The following GPC6 variants were observed in gnomAD, a reference collection of about 807,000 sequenced individuals.
GPC6 encodes glypican 6.
GPC6 carries 14 observed loss-of-function variants against 55.2 expected under a neutral mutation model. That is an observed-to-expected ratio of 0.25 (90% CI 0.17 to 0.40). GPC6 has a LOEUF of 0.40. GPC6 is among the 10% of genes least tolerant of loss of function. The probability of loss-of-function intolerance (pLI) is 1.00; values close to 1 mark genes in which losing one functional copy is unlikely to be tolerated. For synonymous variants in GPC6, 278 were observed against 259.6 expected (o/e 1.07, Z -0.68); for missense variants, 641 against 708.5 (o/e 0.90, Z 1.08).
At chr13:94,402,689 C>T (rs1197560529) in intron 8 of GPC6, among the ~76,000 whole-genome samples, 1 of 152,178 alleles carries the variant, frequency 6.6e-6, no homozygotes, top group Non-Finnish European at 1.5e-5. Flanking sequence ...CACAGTTCAG[C>T]ATGGCTGGGG....
intron 2 of GPC6, among the ~76,000 whole-genome samples, chr13:93,569,757 T>A (rs1876308871): frequency 6.6e-6 from 1 of 152,140 alleles, no homozygotes; most frequent in African/African-American, 2.4e-5. Flanking sequence ...TTGTATACTT[T>A]TTGTACATGA....
At chr13:93,682,844 C>CA (rs34479352) in intron 2 of GPC6, among the ~76,000 whole-genome samples, 57,145 of 108,600 alleles carry the variant, frequency 0.53, 14,981 homozygotes, top group Middle Eastern at 0.74. Context: ...CCTGTCTCTA[C>CA]AAAAAAAAAA....
chr13:94,053,079 A>G (rs1266675261), intron 4 of GPC6, among the ~76,000 whole-genome samples: 2 of 152,200 alleles, frequency 1.3e-5, no homozygotes, highest in Non-Finnish European at 2.9e-5. Flanking sequence ...CAGTGACTTC[A>G]TTTTTGAAGA....
intron 1 of GPC6, among the ~76,000 whole-genome samples, chr13:93,396,487 C>T (rs1055939059): frequency 1.8e-4 from 27 of 151,884 alleles, no homozygotes; most frequent in South Asian, 4.2e-4. Context: ...CGCTTGAACC[C>T]GGGAGGCGGA....
upstream of GPC6, chr13:93,226,651 G>C (rs570800665): frequency 2.0e-5 from 3 of 152,258 alleles, no homozygotes; most frequent in South Asian, 6.2e-4. Context: ...TTTCAGATCG[G>C]TATAAAGGAT....
chr13:94,247,781 T>G (rs1344580285), intron 4 of GPC6, among the ~76,000 whole-genome samples: 1 of 152,134 alleles, frequency 6.6e-6, no homozygotes, highest in Non-Finnish European at 1.5e-5. Flanking sequence ...TTTGTATCAG[T>G]GCTCATCAGA....
At chr13:94,334,372 G>A (rs1444446620) in intron 6 of GPC6, among the ~76,000 whole-genome samples, 3 of 152,214 alleles carry the variant, frequency 2.0e-5, no homozygotes, top group African/African-American at 7.2e-5. Context: ...CTGGGGAACA[G>A]CAGAAAATAC....
Position 94,104,275 on chromosome 13 carries a change from T to C in GPC6, c.877+76381T>C, listed in dbSNP as rs1389185619. 1.3e-5 allele frequency among the ~76,000 whole-genome samples: 2 copies of C among 152,182 alleles called. 1 individual carries two copies. The highest frequency in any genetic ancestry group is 1.3e-4 in the Admixed American group (2 of 15,278). ...TTTTGGTACCAGTACCATGCTGTTT[T>C]GGTTACTGTAGCCTTGATAAACTAG... On this transcript the variant is annotated intron_variant, in intron 4 of 8. Transcript: ENST00000377047.
chr13:93,939,235 A>C (rs1878599109), intron 3 of GPC6, among the ~76,000 whole-genome samples: 1 of 151,502 alleles, frequency 6.6e-6, no homozygotes, highest in Non-Finnish European at 1.5e-5. Flanking sequence ...TTAGATTGTC[A>C]AAAAAGAGAA....
chr13:93,752,946 C>G (rs1884647440), intron 2 of GPC6, among the ~76,000 whole-genome samples: 1 of 152,210 alleles, frequency 6.6e-6, no homozygotes, highest in African/African-American at 2.4e-5. Flanking sequence ...GAGTGTCCAA[C>G]AGTCTCCCCT....
chr13:93,360,700 A>G (rs944742097), intron 1 of GPC6, among the ~76,000 whole-genome samples: 4 of 152,028 alleles, frequency 2.6e-5, no homozygotes, highest in Non-Finnish European at 5.9e-5. Flanking sequence ...GATAGAATTG[A>G]TGTATGTTGA....
intron 1 of GPC6, among the ~76,000 whole-genome samples, chr13:93,375,661 G>A (rs998192754): frequency 1.3e-5 from 2 of 152,198 alleles, no homozygotes; most frequent in African/African-American, 4.8e-5. Context: ...ATTCTGGCTG[G>A]ACAACCTGTA....
intron 4 of GPC6, among the ~76,000 whole-genome samples, chr13:94,139,315 A>G (rs1003379940): frequency 2.6e-5 from 4 of 152,218 alleles, no homozygotes; most frequent in Admixed American, 1.3e-4. Context: ...ACATTTATGC[A>G]AATAAAAAAT....
chr13:93,802,856 G>T (rs1039039444), intron 2 of GPC6, among the ~76,000 whole-genome samples: 7 of 152,116 alleles, frequency 4.6e-5, no homozygotes, highest in African/African-American at 1.4e-4. Flanking sequence ...ATAGAAGAAA[G>T]CTTATTGTTC....
intron 6 of GPC6, among the ~76,000 whole-genome samples, chr13:94,347,666 T>C (rs1878357921): frequency 6.6e-6 from 1 of 152,246 alleles, no homozygotes; most frequent in Non-Finnish European, 1.5e-5. Flanking sequence ...AGTAAGGTCT[T>C]TCCTTTTGTT....
chr13:94,158,729 G>A (rs1888047612), intron 4 of GPC6, among the ~76,000 whole-genome samples: 1 of 152,142 alleles, frequency 6.6e-6, no homozygotes, highest in African/African-American at 2.4e-5. Context: ...TCTCAACTCA[G>A]GAGTGGCAGG....
intron 3 of GPC6, among the ~76,000 whole-genome samples, chr13:94,009,776 G>A (rs1156537489): frequency 6.6e-6 from 1 of 152,108 alleles, no homozygotes; most frequent in East Asian, 1.9e-4. Context: ...ACTCAGGAAG[G>A]CTCTCCTGAG....
chr13:93,834,043 G>A (rs77177649), intron 3 of GPC6, among the ~76,000 whole-genome samples: 2,098 of 152,226 alleles, frequency 0.014, 43 homozygotes, highest in African/African-American at 0.048. Context: ...TCCATGCATT[G>A]CTGGTGGAAT....
intron 1 of GPC6, among the ~76,000 whole-genome samples, chr13:93,538,592 A>G (rs1461201151): frequency 6.6e-6 from 1 of 152,176 alleles, no homozygotes; most frequent in Non-Finnish European, 1.5e-5. Flanking sequence ...GAAACTGAAA[A>G]TAGTATTCAA....
Sources: allele counts gnomAD v4.1 joint callset (sites outside exome capture counted in the v4.1 genomes callset), GRCh38; gene constraint gnomAD v4.1.1; transcripts MANE v1.5; gene names NCBI Gene and HGNC (gene_info 2026-07-23, HGNC 2026-07-21).